The following BNC2 variants were observed in gnomAD, a reference collection of about 807,000 sequenced individuals.
The protein encoded by BNC2 is zinc finger protein basonuclin-2.
BNC2 carries 20 observed loss-of-function variants against 76.3 expected under a neutral mutation model. The observed-to-expected ratio is 0.26, with a 90% CI of 0.18 to 0.38. The LOEUF is 0.38. Ranked by LOEUF, BNC2 falls within the 10% of genes least tolerant of loss-of-function variation. The probability of loss-of-function intolerance (pLI) is 1.00; values close to 1 mark genes in which losing one functional copy is unlikely to be tolerated. For missense variants in BNC2, 1,382 were observed against 1,399.8 expected (o/e 0.99, Z 0.20); for synonymous variants, 582 against 514.8 (o/e 1.13, Z -1.77).
chr9:16,860,393 G>C (rs1819367983), intron 1 of BNC2, among the ~76,000 whole-genome samples: 1 of 152,156 alleles, frequency 6.6e-6, no homozygotes, highest in Admixed American at 6.5e-5. Context: ...ATATATCATG[G>C]TCAATTAATT....
chr9:16,782,672 G>C (rs933034105), intron 1 of BNC2, among the ~76,000 whole-genome samples: 1 of 152,104 alleles, frequency 6.6e-6, no homozygotes, highest in Non-Finnish European at 1.5e-5. Context: ...TGTGCCGATG[G>C]AACTCTGGGC....
At chr9:16,458,923 G>A (rs1225893997) in intron 5 of BNC2, among the ~76,000 whole-genome samples, 1 of 152,084 alleles carries the variant, frequency 6.6e-6, no homozygotes, top group Non-Finnish European at 1.5e-5. Context: ...TACATGCACC[G>A]TCCTTCTGTT....
intron 1 of BNC2, among the ~76,000 whole-genome samples, chr9:16,762,519 A>G (rs73646240): frequency 0.016 from 2,491 of 152,304 alleles, 70 homozygotes; most frequent in African/African-American, 0.057. Flanking sequence ...GAGAGGCACA[A>G]TGAACTTCCC....
At position 16,788,344 on chromosome 9, in the gene BNC2, G is replaced by T. The variant is rs552617498; in HGVS notation, c.4-49859C>A. On this transcript the variant is annotated intron_variant, in intron 1 of 6. Coordinates refer to ENST00000380672, the MANE Select transcript of BNC2 (RefSeq NM_017637.6). ...CAAGGTGGGCAGATCATGAAGTCAGGAGATCGAGACCATCCTGGCTAACAT... is the reference window on the plus strand; with the variant it reads ...CAAGGTGGGCAGATCATGAAGTCAGTAGATCGAGACCATCCTGGCTAACAT... Among the ~76,000 whole-genome samples, 5 of 151,744 alleles carry T rather than the reference G, an allele frequency of 3.3e-5. No homozygotes were observed. The East Asian group carries it at 9.8e-4, about 30-fold the overall frequency.
At chr9:16,804,169 T>C (rs10962612) in intron 1 of BNC2, among the ~76,000 whole-genome samples, 2 of 152,136 alleles carry the variant, frequency 1.3e-5, no homozygotes, top group African/African-American at 4.8e-5. Flanking sequence ...GAGGAAAGAT[T>C]TGCATATGAG....
intron 5 of BNC2, among the ~76,000 whole-genome samples, chr9:16,521,866 T>C (rs1480565895): frequency 1.3e-5 from 2 of 152,180 alleles, no homozygotes; most frequent in South Asian, 2.1e-4. Context: ...TAAATACTCA[T>C]ATTTTTGTAT....
chr9:16,534,436 C>T (rs1818070349), intron 5 of BNC2, among the ~76,000 whole-genome samples: 1 of 152,048 alleles, frequency 6.6e-6, no homozygotes, highest in Admixed American at 6.5e-5. Context: ...CCTTCATTAC[C>T]CTTTCCCTTA....
intron 6 of BNC2, among the ~76,000 whole-genome samples, chr9:16,434,269 T>G (rs1255766073): frequency 1.3e-5 from 2 of 152,198 alleles, no homozygotes; most frequent in Non-Finnish European, 2.9e-5. Context: ...AGGATTGATC[T>G]CCAAATATGA....
At chr9:16,771,938 G>A (rs1337486856) in intron 1 of BNC2, among the ~76,000 whole-genome samples, 3 of 152,128 alleles carry the variant, frequency 2.0e-5, no homozygotes, top group Non-Finnish European at 4.4e-5. Context: ...GGTGGGGGGA[G>A]GATGGCAGGG....
intron 5 of BNC2, among the ~76,000 whole-genome samples, chr9:16,493,508 G>A (rs1308422516): frequency 1.3e-5 from 2 of 152,182 alleles, no homozygotes; most frequent in African/African-American, 4.8e-5. Context: ...GGTAGACTAA[G>A]GATGGATGAA....
At chr9:16,788,808 C>T (rs1047522896) in intron 1 of BNC2, among the ~76,000 whole-genome samples, 3 of 152,200 alleles carry the variant, frequency 2.0e-5, no homozygotes, top group Admixed American at 6.5e-5. Flanking sequence ...GCAGGACAAT[C>T]CCACACTCCT....
intron 4 of BNC2, among the ~76,000 whole-genome samples, chr9:16,556,306 A>C (rs936611692): frequency 2.0e-4 from 31 of 151,960 alleles, no homozygotes; most frequent in African/African-American, 7.0e-4. Flanking sequence ...ACAAACAAAC[A>C]AACTTTATTT....
Position 16,654,223 on chromosome 9 carries a change from T to C in BNC2, c.331-71138A>G, listed in dbSNP as rs181375268. On this transcript the variant is annotated intron_variant, in intron 3 of 6. Coordinates refer to ENST00000380672, the MANE Select transcript of BNC2 (RefSeq NM_017637.6). ...CTCTCTTTTGGTTTCACTCTCTTAA[T>C]GCACTCCTCCCATCTTTCCTCTGCC... is the stretch of plus-strand genomic sequence containing the variant. Among the ~76,000 whole-genome samples the C allele has an allele frequency of 2.9e-3, 438 of 152,326 alleles. 6 individuals are homozygous for C. Among genetic ancestry groups the C allele is most frequent in the Admixed American group, 0.026 (402 of 15,302 alleles).
chr9:16,728,376 T>TA (rs1473347181), intron 2 of BNC2, among the ~76,000 whole-genome samples: 2 of 152,026 alleles, frequency 1.3e-5, no homozygotes, highest in African/African-American at 4.8e-5. Context: ...TACAGATAGA[T>TA]ACACACTTAT....
chr9:16,774,165 A>G (rs1425448078), intron 1 of BNC2, among the ~76,000 whole-genome samples: 1 of 152,108 alleles, frequency 6.6e-6, no homozygotes, highest in East Asian at 1.9e-4. Context: ...TATTTTTAGT[A>G]GAGACAGGGT....
chr9:16,794,456 T>C (rs907718894), intron 1 of BNC2, among the ~76,000 whole-genome samples: 1 of 152,214 alleles, frequency 6.6e-6, no homozygotes, highest in South Asian at 2.1e-4. Context: ...AGAGGTGGGA[T>C]AGACATCATT....
At position 16,413,212 on chromosome 9, in the gene BNC2, G is replaced by T. The variant is rs953832290; in HGVS notation, c.*5777C>A. 4 of 151,816 alleles carry T rather than the reference G, an allele frequency of 2.6e-5. No individual in the cohort carries two copies. The highest frequency in any genetic ancestry group is 6.6e-5 in the Admixed American group (1 of 15,246). 9.4% of individuals were successfully genotyped at this position (151,816 alleles called of 1,614,324 possible). A position where few individuals can be genotyped will look rare whatever the true frequency, so the allele number is the denominator to read the frequency against. ...AGATTTTTTTTTTTCCTGCAGTAAA[G>T]GTCAAATGAATTTACAACAGCACTT... On this transcript the variant is annotated 3_prime_UTR_variant, in exon 7 of 7. Transcript: ENST00000380672.
rs945413629 is a variant in BNC2, at chr9:16,410,503, G to A, written c.*8486C>T. 1.3e-5 allele frequency: 2 copies of A among 152,512 alleles called. No individual in the cohort carries two copies. The highest frequency in any genetic ancestry group is 4.8e-5 in the African/African-American group (2 of 41,378). 9.4% of individuals were successfully genotyped at this position (152,512 alleles called of 1,614,324 possible). ...AGGAAAATGGTGAGATTCTCTGCAGGGCAGCTGAACCAAAGTTTGCACAGG... is the reference window on the plus strand; with the variant it reads ...AGGAAAATGGTGAGATTCTCTGCAGAGCAGCTGAACCAAAGTTTGCACAGG... On this transcript the variant is annotated 3_prime_UTR_variant, in exon 7 of 7. Transcript: ENST00000380672.
intron 5 of BNC2, among the ~76,000 whole-genome samples, chr9:16,450,395 G>A (rs1260692332): frequency 6.6e-6 from 1 of 152,180 alleles, no homozygotes; most frequent in Non-Finnish European, 1.5e-5. Flanking sequence ...ATGTTTGTGT[G>A]AGAACAGGAA....
Sources: allele counts gnomAD v4.1 joint callset (sites outside exome capture counted in the v4.1 genomes callset), GRCh38; gene constraint gnomAD v4.1.1; transcripts MANE v1.5; gene names NCBI Gene and HGNC (gene_info 2026-07-23, HGNC 2026-07-21).